Variants in ST6GALNAC5 observed in about 807,000 individuals in gnomAD.
ST6GALNAC5 encodes ST6 N-acetylgalactosaminide alpha-2,6-sialyltransferase 5.
In ST6GALNAC5, 27 loss-of-function variants were observed where a neutral mutation model predicts 33.6. The ratio of observed to expected loss-of-function variants is 0.80; its 90% CI spans 0.59 to 1.11. ST6GALNAC5 has a LOEUF of 1.11. Among genes scored for constraint, ST6GALNAC5 ranks in the 50% least tolerant of loss-of-function variants. The pLI, the probability that ST6GALNAC5 is intolerant of heterozygous loss-of-function variation, is 0.00. For missense variants in ST6GALNAC5, 428 were observed against 454.0 expected (o/e 0.94, Z 0.52); for synonymous variants, 194 against 171.2 (o/e 1.13, Z -1.04).
At position 77,063,119 on chromosome 1, in the gene ST6GALNAC5, A is replaced by G. The variant is rs2100485633; in HGVS notation, c.924A>G (p.Ala308=). Residue 308 remains alanine (A), a synonymous_variant, in exon 5 of 5, where the codon GCA becomes GCG. Transcript: ENST00000477717. ...AGAAACGAGTCTTTAAGAACTGGGCACGGACATTCAATATTCACTTTTTTC... is the reference window on the plus strand; with the variant it reads ...AGAAACGAGTCTTTAAGAACTGGGCGCGGACATTCAATATTCACTTTTTTC... The part of the protein sequence containing the change: ...ITEKRVFKNW[A]RTFNIHFFQP... 6.2e-7 allele frequency: 1 copy of G among 1,613,928 alleles called. No individual in the cohort carries two copies. Among genetic ancestry groups the G allele is most frequent in the Non-Finnish European group, 8.5e-7 (1 of 1,179,876 alleles).
intron 2 of ST6GALNAC5, among the ~76,000 whole-genome samples, chr1:76,956,849 G>A (rs546517820): frequency 2.9e-4 from 44 of 152,228 alleles, no homozygotes; most frequent in Middle Eastern, 6.8e-3. Flanking sequence ...GATTAAGTGC[G>A]GTGTTTAACA....
intron 2 of ST6GALNAC5, among the ~76,000 whole-genome samples, chr1:76,981,076 C>T (rs1649231004): frequency 6.6e-6 from 1 of 152,162 alleles, no homozygotes; most frequent in Admixed American, 6.5e-5. Context: ...GCGTGATCAA[C>T]ACAGAAGACA....
At chr1:76,978,902 T>G (rs1250189338) in intron 2 of ST6GALNAC5, among the ~76,000 whole-genome samples, 1 of 152,146 alleles carries the variant, frequency 6.6e-6, no homozygotes, top group African/African-American at 2.4e-5. Flanking sequence ...AAAAAACTGT[T>G]AGAACTAATA....
At chr1:77,028,118 T>A (rs1427673007) in intron 2 of ST6GALNAC5, among the ~76,000 whole-genome samples, 1 of 152,200 alleles carries the variant, frequency 6.6e-6, no homozygotes, top group Non-Finnish European at 1.5e-5. Flanking sequence ...CTAAAGGATA[T>A]TTAGTCCTTG....
chr1:76,885,477 G>GT (rs1287844605), intron 2 of ST6GALNAC5, among the ~76,000 whole-genome samples: 2 of 152,250 alleles, frequency 1.3e-5, no homozygotes, highest in East Asian at 3.9e-4. Flanking sequence ...CTTCCTTCTA[G>GT]TTTTTTATTC....
chr1:76,869,240 C>T (rs185762339), intron 2 of ST6GALNAC5, among the ~76,000 whole-genome samples: 11 of 152,292 alleles, frequency 7.2e-5, no homozygotes, highest in Non-Finnish European at 1.3e-4. Flanking sequence ...TGAATTCTCT[C>T]AGCCCTGGGG....
intron 2 of ST6GALNAC5, among the ~76,000 whole-genome samples, chr1:76,995,924 A>T (rs190798909): frequency 6.6e-6 from 1 of 152,214 alleles, no homozygotes; most frequent in Non-Finnish European, 1.5e-5. Flanking sequence ...AAACATTTTT[A>T]TCAAATGAAT....
intron 2 of ST6GALNAC5, among the ~76,000 whole-genome samples, chr1:76,934,418 C>T (rs894681312): frequency 6.6e-6 from 1 of 152,020 alleles, no homozygotes; most frequent in Non-Finnish European, 1.5e-5. Flanking sequence ...CTATCTCCTT[C>T]TAGAAAAGCT....
chr1:76,917,607 C>A (rs892125150), intron 2 of ST6GALNAC5, among the ~76,000 whole-genome samples: 22 of 151,162 alleles, frequency 1.5e-4, no homozygotes, highest in African/African-American at 4.9e-4. Context: ...TATTAGGGTT[C>A]TCCAGGAATC....
chr1:76,905,268 CG>C (rs1646854590), intron 2 of ST6GALNAC5, among the ~76,000 whole-genome samples: 1 of 152,104 alleles, frequency 6.6e-6, no homozygotes, highest in Non-Finnish European at 1.5e-5. Flanking sequence ...GTCACAGTTA[CG>C]GGGCTATTAT....
At position 77,063,263 on chromosome 1, in the gene ST6GALNAC5, C is replaced by G. The variant is rs1557779655; in HGVS notation, c.*57C>G. The G allele has an allele frequency of 6.7e-7, 1 of 1,494,388 alleles. No homozygotes were observed. Among genetic ancestry groups the G allele is most frequent in the South Asian group, 1.2e-5 (1 of 85,800 alleles). The allele number at this position is 1,494,388 out of a possible 1,614,324, so 92.6% of individuals were successfully genotyped here. A position where few individuals can be genotyped will look rare whatever the true frequency, so the allele number is the denominator to read the frequency against. ...ATTCACTGCATCAGACACCGAGACA[C>G]TGAACTTCCTGAGCCACCAGACAGG... On this transcript the variant is annotated 3_prime_UTR_variant, in exon 5 of 5. Transcript: ENST00000477717.
intron 4 of ST6GALNAC5, among the ~76,000 whole-genome samples, chr1:77,054,484 C>A (rs924418805): frequency 1.3e-5 from 2 of 152,208 alleles, no homozygotes; most frequent in Non-Finnish European, 2.9e-5. Context: ...ACTTTAACAA[C>A]CTCTGGTCTA....
intron 2 of ST6GALNAC5, among the ~76,000 whole-genome samples, chr1:77,025,485 A>G (rs1040148451): frequency 2.6e-5 from 4 of 151,438 alleles, no homozygotes; most frequent in Admixed American, 1.3e-4. Flanking sequence ...ACACCATTGA[A>G]CTCCAGACTG....
At chr1:76,962,518 G>T (rs1648279640) in intron 2 of ST6GALNAC5, among the ~76,000 whole-genome samples, 1 of 152,084 alleles carries the variant, frequency 6.6e-6, no homozygotes, top group Non-Finnish European at 1.5e-5. Flanking sequence ...GTGCAGATTT[G>T]GAAAATTCCA....
In ST6GALNAC5 at chr1:76,994,260, G is replaced by T. The variant is rs1000391118; in HGVS notation, c.262-49944G>T. ...AAGAAAATCACTTACAAAATGGCTT[G>T]ATAGTTCATGTTAATGAGTTTTAAA... On this transcript the variant is annotated intron_variant, in intron 2 of 4. Coordinates refer to ENST00000477717, the MANE Select transcript of ST6GALNAC5 (RefSeq NM_030965.3). 5.9e-5 allele frequency among the ~76,000 whole-genome samples: 9 copies of T among 152,196 alleles called. No homozygotes were observed. The East Asian group carries it at 1.5e-3, about 26-fold the overall frequency.
chr1:76,968,056 C>G (rs950135881), intron 2 of ST6GALNAC5, among the ~76,000 whole-genome samples: 1 of 152,130 alleles, frequency 6.6e-6, no homozygotes, highest in African/African-American at 2.4e-5. Context: ...AATGTATATT[C>G]TGTTGATTTG....
Position 77,009,465 on chromosome 1 carries a change from G to T in ST6GALNAC5, c.262-34739G>T, listed in dbSNP as rs188525577. Reference sequence around the variant, plus strand: ...CCAGGTAGGCAGGGGAAATTGCAAGGCTTTGGTGTTGGGGAGAGCACAGAG... The same window carrying T: ...CCAGGTAGGCAGGGGAAATTGCAAGTCTTTGGTGTTGGGGAGAGCACAGAG... On this transcript the variant is annotated intron_variant, in intron 2 of 4. Coordinates refer to ENST00000477717, the MANE Select transcript of ST6GALNAC5 (RefSeq NM_030965.3). 4.1e-3 allele frequency among the ~76,000 whole-genome samples: 631 copies of T among 152,238 alleles called. 5 individuals carry two copies. The highest frequency in any genetic ancestry group is 0.014 in the African/African-American group (588 of 41,536).
At chr1:76,914,443 C>T (rs1181545372) in intron 2 of ST6GALNAC5, among the ~76,000 whole-genome samples, 1 of 152,190 alleles carries the variant, frequency 6.6e-6, no homozygotes, top group Non-Finnish European at 1.5e-5. Flanking sequence ...TCAAACTCTA[C>T]TACAAGGCTA....
chr1:76,952,366 A>C (rs1647783665), intron 2 of ST6GALNAC5, among the ~76,000 whole-genome samples: 1 of 152,136 alleles, frequency 6.6e-6, no homozygotes, highest in Admixed American at 6.6e-5. Flanking sequence ...TATTTGGAGA[A>C]GGCTCCTTTG....
Sources: gnomAD v4.1 joint callset for allele counts (sites outside exome capture counted in the v4.1 genomes callset) on GRCh38, gnomAD v4.1.1 for gene constraint, MANE v1.5 for transcripts, NCBI Gene and HGNC (gene_info 2026-07-23, HGNC 2026-07-21) for gene names.